PACRG: variants seen among roughly 807,000 people sequenced by gnomAD.
PACRG encodes parkin coregulated.
A neutral mutation model predicts 29.7 loss-of-function variants in PACRG; 29 were observed. That is an observed-to-expected ratio of 0.98 (90% CI 0.73 to 1.33). PACRG has a LOEUF of 1.33. Among genes scored for constraint, PACRG ranks in the 40% most tolerant of loss-of-function variants. The pLI, the probability that PACRG is intolerant of heterozygous loss-of-function variation, is 0.00. For synonymous variants in PACRG, 116 were observed against 118.7 expected (o/e 0.98, Z 0.15); for missense variants, 279 against 316.2 (o/e 0.88, Z 0.89).
chr6:163,216,474 AT>A (rs920440711), intron 4 of PACRG, among the ~76,000 whole-genome samples: 24 of 152,366 alleles, frequency 1.6e-4, no homozygotes, highest in African/African-American at 4.6e-4. Context: ...TGAAGGCAGG[AT>A]TTTTAAGGAA....
intron 4 of PACRG, among the ~76,000 whole-genome samples, chr6:163,240,067 C>G (rs1339792700): frequency 6.9e-6 from 1 of 145,854 alleles, no homozygotes; most frequent in Non-Finnish European, 1.5e-5. Flanking sequence ...CACACACTCA[C>G]ACCTCCACCC....
chr6:163,235,570 T>C (rs1230876987), intron 4 of PACRG, among the ~76,000 whole-genome samples: 1 of 152,170 alleles, frequency 6.6e-6, no homozygotes, highest in Non-Finnish European at 1.5e-5. Context: ...GATCATGCCA[T>C]TCATCCCCTG....
At chr6:162,810,765 T>C (rs1254252404) in intron 1 of PACRG, among the ~76,000 whole-genome samples, 1 of 152,038 alleles carries the variant, frequency 6.6e-6, no homozygotes, top group Non-Finnish European at 1.5e-5. Context: ...GAAAACAGGC[T>C]GGAAAAAGAA....
At chr6:162,947,087 C>A (rs1360758121) in intron 2 of PACRG, among the ~76,000 whole-genome samples, 3 of 151,646 alleles carry the variant, frequency 2.0e-5, no homozygotes, top group African/African-American at 7.3e-5. Context: ...TCTCACCACT[C>A]CTATTCAACA....
intron 2 of PACRG, among the ~76,000 whole-genome samples, chr6:163,005,289 T>G (rs1189095700): frequency 6.6e-6 from 1 of 152,048 alleles, no homozygotes; most frequent in Non-Finnish European, 1.5e-5. Context: ...TCTTCTATTT[T>G]ATATTTTACT....
intron 2 of PACRG, among the ~76,000 whole-genome samples, chr6:163,012,742 G>A (rs1805730620): frequency 6.6e-6 from 1 of 152,162 alleles, no homozygotes; most frequent in Non-Finnish European, 1.5e-5. Context: ...TCTAGTTATG[G>A]GACTACCCAT....
intron 2 of PACRG, among the ~76,000 whole-genome samples, chr6:162,906,597 A>G (rs1795949610): frequency 6.6e-6 from 1 of 152,192 alleles, no homozygotes; most frequent in Non-Finnish European, 1.5e-5. Context: ...TATGCCTTTG[A>G]TGGAGTTTTC....
chr6:163,136,201 A>G (rs1244158292), intron 4 of PACRG, among the ~76,000 whole-genome samples: 1 of 152,176 alleles, frequency 6.6e-6, no homozygotes, highest in East Asian at 1.9e-4. Context: ...TCATTGTCCC[A>G]ATCTCAATTA....
intron 1 of PACRG, among the ~76,000 whole-genome samples, chr6:162,753,939 A>T (rs934877464): frequency 6.6e-6 from 1 of 152,186 alleles, no homozygotes; most frequent in Non-Finnish European, 1.5e-5. Context: ...TAATCCTGCT[A>T]TGAACATGGG....
chr6:162,913,067 G>A (rs1031994526), intron 2 of PACRG, among the ~76,000 whole-genome samples: 1 of 152,174 alleles, frequency 6.6e-6, no homozygotes, highest in African/African-American at 2.4e-5. Flanking sequence ...TTGTTCCAAT[G>A]TAAGCCTTTA....
intron 4 of PACRG, among the ~76,000 whole-genome samples, chr6:163,160,782 C>T (rs1162352751): frequency 6.6e-6 from 1 of 152,154 alleles, no homozygotes; most frequent in Non-Finnish European, 1.5e-5. Context: ...ATGTAGTCAG[C>T]TTAATTTCCC....
At chr6:162,813,406 T>G (rs1450067731) in intron 1 of PACRG, among the ~76,000 whole-genome samples, 1 of 152,080 alleles carries the variant, frequency 6.6e-6, no homozygotes, top group Non-Finnish European at 1.5e-5. Context: ...AATTTTGTAA[T>G]CTAATGAATT....
chr6:163,261,308 A>G (rs1168588089), intron 4 of PACRG, among the ~76,000 whole-genome samples: 3 of 152,056 alleles, frequency 2.0e-5, no homozygotes, highest in African/African-American at 7.2e-5. Flanking sequence ...GGTTTGTTAC[A>G]TAGGTAGACA....
At chr6:162,911,295 A>G (rs923208490) in intron 2 of PACRG, among the ~76,000 whole-genome samples, 3 of 152,128 alleles carry the variant, frequency 2.0e-5, no homozygotes, top group East Asian at 3.9e-4. Context: ...TACATGTACA[A>G]TTTTACCACA....
intron 4 of PACRG, among the ~76,000 whole-genome samples, chr6:163,233,999 A>G (rs921936132): frequency 6.6e-6 from 1 of 152,198 alleles, no homozygotes; most frequent in Non-Finnish European, 1.5e-5. Context: ...AATAGATTTT[A>G]TTCAGCCATT....
intron 4 of PACRG, among the ~76,000 whole-genome samples, chr6:163,161,234 A>T (rs1046651334): frequency 3.3e-5 from 5 of 151,820 alleles, no homozygotes; most frequent in African/African-American, 1.2e-4. Flanking sequence ...CTTTGTCATT[A>T]CTCCAGAGGT....
chr6:162,875,149 TCA>T (rs1265894516), intron 2 of PACRG, among the ~76,000 whole-genome samples: 7 of 142,994 alleles, frequency 4.9e-5, no homozygotes, highest in African/African-American at 1.0e-4. Context: ...ACGCAGACAT[TCA>T]CACACAGATG....
At chr6:162,947,367 C>CATATATAATATATAATCATATATA (rs1562765874) in intron 2 of PACRG, among the ~76,000 whole-genome samples, 1 of 41,860 alleles carries the variant, frequency 2.4e-5, no homozygotes, top group African/African-American at 7.5e-5. Context: ...ATAATGTAAT[C>CATATATAATATATAATCATATATA]ATATATAATC....
intron 3 of PACRG, among the ~76,000 whole-genome samples, chr6:163,075,554 C>T (rs1422122594): frequency 6.6e-6 from 1 of 152,146 alleles, no homozygotes; most frequent in Admixed American, 6.5e-5. Context: ...GATAATACCT[C>T]ATGACAAAGT....
Sources: gnomAD v4.1 joint callset for allele counts (sites outside exome capture counted in the v4.1 genomes callset) on GRCh38, gnomAD v4.1.1 for gene constraint, MANE v1.5 for transcripts, NCBI Gene and HGNC (gene_info 2026-07-23, HGNC 2026-07-21) for gene names.